CLCN5: variants seen among roughly 807,000 people sequenced by gnomAD.
CLCN5 encodes H(+)/Cl(-) exchange transporter 5.
A neutral mutation model predicts 54.0 loss-of-function variants in CLCN5; 17 were observed. That is an observed-to-expected ratio of 0.31 (90% CI 0.22 to 0.47). CLCN5 has a LOEUF of 0.47. CLCN5 is among the 20% of genes least tolerant of loss of function. The pLI is 1.00. For missense variants in CLCN5, 448 were observed against 646.7 expected (o/e 0.69, Z 3.33); for synonymous variants, 222 against 233.0 (o/e 0.95, Z 0.43).
intron 3 of CLCN5, among the ~76,000 whole-genome samples, chrX:49,959,064 G>GGATT (rs1927471544): frequency 9.1e-6 from 1 of 110,254 alleles, no homozygotes; most frequent in African/African-American, 3.3e-5. Flanking sequence ...AGATCATGGG[G>GGATT]GATTGATAAT....
chrX:50,002,352 C>G (rs944373553), intron 3 of CLCN5, among the ~76,000 whole-genome samples: 2 of 111,437 alleles, frequency 1.8e-5, no homozygotes, highest in Non-Finnish European at 3.8e-5. Flanking sequence ...CTACTCCTCC[C>G]TCTGTGTTCT....
At chrX:50,070,423 G>A (rs1557191406) in intron 5 of CLCN5, among the ~76,000 whole-genome samples, 1 of 111,905 alleles carries the variant, frequency 8.9e-6, no homozygotes. Flanking sequence ...CAAACTTGGA[G>A]GAAGGTGGCA....
intron 4 of CLCN5, among the ~76,000 whole-genome samples, chrX:50,058,717 A>G (rs1254111502): frequency 5.4e-5 from 6 of 111,975 alleles, no homozygotes; most frequent in South Asian, 3.7e-4. Flanking sequence ...TTTTTGTTCT[A>G]TCATTCAAGT....
At chrX:50,031,868 C>T (rs782032869) in intron 3 of CLCN5, among the ~76,000 whole-genome samples, 1 of 55,849 alleles carries the variant, frequency 1.8e-5, no homozygotes, top group Non-Finnish European at 3.2e-5. Flanking sequence ...ATCCCTCCCC[C>T]CTCCCCCCAC....
At chrX:50,055,907 G>T (rs782102112) in intron 4 of CLCN5, among the ~76,000 whole-genome samples, 3 of 110,151 alleles carry the variant, frequency 2.7e-5, no homozygotes, top group Non-Finnish European at 5.7e-5. Flanking sequence ...TTCTTTGCTT[G>T]CACTATTTCC....
At chrX:50,090,647 G>GT (rs782744617) in intron 13 of CLCN5, 23 bp from the exon 14 acceptor site, 1 of 1,192,712 alleles carries the variant, frequency 8.4e-7, no homozygotes, top group South Asian at 1.8e-5. Flanking sequence ...TCTTCAATTT[G>GT]TTTTTTCCTT....
At chrX:49,989,597 C>A (rs1929158076) in intron 3 of CLCN5, among the ~76,000 whole-genome samples, 1 of 112,016 alleles carries the variant, frequency 8.9e-6, no homozygotes, top group Admixed American at 9.4e-5. Flanking sequence ...AGTCTGGGAA[C>A]ATACAGAGCA....
chrX:50,062,053 A>G (rs1440556930), intron 4 of CLCN5, among the ~76,000 whole-genome samples: 1 of 105,982 alleles, frequency 9.4e-6, no homozygotes, highest in Non-Finnish European at 1.9e-5. Context: ...CTGCAAAATC[A>G]TGCCAAAATG....
rs782555679 is a variant in CLCN5, at chrX:50,009,686, T to C, written c.17-32630T>C. On this transcript the variant is annotated intron_variant, in intron 3 of 14. Coordinates refer to ENST00000376091, the MANE Select transcript of CLCN5 (RefSeq NM_001127898.4). ...TGAAAGTCAAATATATATGGAGATA[T>C]ACATGCAGGGTGCAGGTGCCTGAGT... The C allele has an allele frequency of 1.6e-5, 6 of 383,917 alleles. No individual in the cohort carries two copies. In the East Asian group the frequency reaches 3.8e-4, roughly 24 times the overall value. 31.6% of individuals were successfully genotyped at this position (383,917 alleles called of 1,213,427 possible).
chrX:50,081,653 T>C lies in CLCN5; in HGVS notation c.739T>C (p.Leu247=). ...GSGIPEIKTI[L]SGFIIRGYLG... ...GTTTAACCTGCAGATAAAAACTATCTTGAGTGGTTTCATTATTAGGGGCTA... is the reference window on the plus strand; with the variant it reads ...GTTTAACCTGCAGATAAAAACTATCCTGAGTGGTTTCATTATTAGGGGCTA... The change falls in exon 9 of 15, where the codon TTG becomes CTG. Residue 247 remains leucine, a synonymous_variant. Transcript: ENST00000376091. 5.0e-6 allele frequency: 6 copies of C among 1,204,957 alleles called. No individual in the cohort carries two copies. Among genetic ancestry groups the C allele is most frequent in the Non-Finnish European group, 6.7e-6 (6 of 889,451 alleles).
At chrX:50,015,484 A>G (rs1557183390) in intron 3 of CLCN5, among the ~76,000 whole-genome samples, 1 of 107,948 alleles carries the variant, frequency 9.3e-6, no homozygotes. Context: ...CCCACACAAT[A>G]TGGAAATGAG....
intron 3 of CLCN5, among the ~76,000 whole-genome samples, chrX:50,038,429 T>C (rs1290663761): frequency 9.0e-6 from 1 of 111,558 alleles, no homozygotes; most frequent in African/African-American, 3.3e-5. Context: ...AAATAAAAAG[T>C]ATGTGCCCTC....
intron 3 of CLCN5, among the ~76,000 whole-genome samples, chrX:50,012,291 C>A (rs1457303301): frequency 8.9e-6 from 1 of 111,982 alleles, no homozygotes; most frequent in East Asian, 2.8e-4. Context: ...TTAGCAGCAT[C>A]TTCTCACTCA....
chrX:50,003,886 A>G (rs1281963672), intron 3 of CLCN5, among the ~76,000 whole-genome samples: 1 of 112,055 alleles, frequency 8.9e-6, no homozygotes, highest in African/African-American at 3.2e-5. Context: ...GGACTCCTGT[A>G]CATGGGGCAT....
At chrX:50,025,793 G>C (rs1750826049) in intron 3 of CLCN5, among the ~76,000 whole-genome samples, 1 of 111,195 alleles carries the variant, frequency 9.0e-6, no homozygotes, top group Non-Finnish European at 1.9e-5. Context: ...AACCGGGCTA[G>C]AGGTTTATCA....
intron 3 of CLCN5, among the ~76,000 whole-genome samples, chrX:49,938,667 A>G (rs781838766): frequency 0.014 from 1,595 of 112,145 alleles, 22 homozygotes; most frequent in African/African-American, 0.05. Context: ...TACATGTTAG[A>G]CCTAAAAACC....
chrX:49,932,918 T>C (rs1276118348), intron 3 of CLCN5, among the ~76,000 whole-genome samples: 1 of 112,183 alleles, frequency 8.9e-6, no homozygotes, highest in Non-Finnish European at 1.9e-5. Context: ...TTGTAAACAC[T>C]CTGGTGATTT....
intron 4 of CLCN5, among the ~76,000 whole-genome samples, chrX:50,057,759 T>C (rs1388298084): frequency 3.7e-5 from 4 of 106,929 alleles, no homozygotes; most frequent in African/African-American, 1.0e-4. Flanking sequence ...CTTAATTGAG[T>C]GGGAAAACAA....
chrX:50,035,633 C>G (rs782654203), intron 3 of CLCN5, among the ~76,000 whole-genome samples: 11 of 112,038 alleles, frequency 9.8e-5, no homozygotes, highest in Non-Finnish European at 2.1e-4. Flanking sequence ...TGGGATTCCA[C>G]ATAGGGCAGC....
Sources: allele counts gnomAD v4.1 joint callset (sites outside exome capture counted in the v4.1 genomes callset), GRCh38; gene constraint gnomAD v4.1.1; transcripts MANE v1.5; gene names NCBI Gene and HGNC (gene_info 2026-07-23, HGNC 2026-07-21).